ANO2: variants seen among roughly 807,000 people sequenced by gnomAD.
The protein encoded by ANO2 is anoctamin 2.
Under a neutral mutation model 124.2 loss-of-function variants are expected in ANO2, and 101 were observed. That is an observed-to-expected ratio of 0.81 (90% CI 0.69 to 0.96). ANO2 has a LOEUF of 0.96. ANO2 is among the 40% of genes least tolerant of loss of function. ANO2 has a pLI of 0.00. For synonymous variants in ANO2, 486 were observed against 482.5 expected, an observed-to-expected ratio of 1.01 and a Z score of -0.09; for missense variants, 1,293 against 1,274.5, an observed-to-expected ratio of 1.01 and a Z score of -0.22.
At chr12:5,793,144 T>C (rs1304745520) in intron 10 of ANO2, among the ~76,000 whole-genome samples, 2 of 152,192 alleles carry the variant, frequency 1.3e-5, no homozygotes, top group Non-Finnish European at 2.9e-5. Context: ...CAACAGGGTA[T>C]ACTTGTTCTG....
At chr12:5,729,506 C>G (rs528463244) in intron 14 of ANO2, among the ~76,000 whole-genome samples, 2 of 152,044 alleles carry the variant, frequency 1.3e-5, no homozygotes, top group Non-Finnish European at 2.9e-5. Flanking sequence ...AAAACAGATA[C>G]TAAGTGTTGG....
chr12:5,668,159 C>T (rs1947826517), intron 14 of ANO2, among the ~76,000 whole-genome samples: 1 of 152,204 alleles, frequency 6.6e-6, no homozygotes, highest in African/African-American at 2.4e-5. Flanking sequence ...AACTAATTGA[C>T]ATTCCCACCA....
intron 19 of ANO2, among the ~76,000 whole-genome samples, chr12:5,603,944 CAAAAAAAAAAAA>C (rs63415160): frequency 1.3e-5 from 1 of 74,142 alleles, no homozygotes. Flanking sequence ...GATTCCGTCT[CAAAAAAAAAAAA>C]AAAAAAAAAG....
intron 20 of ANO2, among the ~76,000 whole-genome samples, chr12:5,583,433 C>T (rs1478082514): frequency 5.9e-5 from 9 of 151,888 alleles, no homozygotes; most frequent in Admixed American, 2.0e-4. Context: ...GCGGGCGGAT[C>T]ACAAGGTCAG....
chr12:5,687,329 T>C (rs1456141522), intron 14 of ANO2, among the ~76,000 whole-genome samples: 1 of 152,236 alleles, frequency 6.6e-6, no homozygotes, highest in Non-Finnish European at 1.5e-5. Context: ...TAAATACGAA[T>C]GAACGCCCTG....
chr12:5,621,891 A>G (rs1410259707), intron 16 of ANO2, among the ~76,000 whole-genome samples: 3 of 152,128 alleles, frequency 2.0e-5, no homozygotes, highest in Admixed American at 6.5e-5. Flanking sequence ...AAAGGGAAGG[A>G]AGAAAGGGAG....
intron 3 of ANO2, among the ~76,000 whole-genome samples, chr12:5,916,410 T>C (rs1172226968): frequency 1.4e-5 from 2 of 147,890 alleles, no homozygotes; most frequent in Non-Finnish European, 3.0e-5. Flanking sequence ...AAATTAAGAA[T>C]GCATACAGTT....
At chr12:5,869,171 G>A (rs953465574) in intron 3 of ANO2, among the ~76,000 whole-genome samples, 12 of 152,174 alleles carry the variant, frequency 7.9e-5, no homozygotes, top group Admixed American at 2.0e-4. Flanking sequence ...AGGGCCATTC[G>A]CACTCTCCAA....
At chr12:5,762,666 TAGAA>T (rs1176934752) in intron 10 of ANO2, among the ~76,000 whole-genome samples, 1 of 151,790 alleles carries the variant, frequency 6.6e-6, no homozygotes, top group Non-Finnish European at 1.5e-5. Flanking sequence ...TGGGAAGAGA[TAGAA>T]AGTGAAAGAA....
chr12:5,786,137 C>T (rs549042324), intron 10 of ANO2, among the ~76,000 whole-genome samples: 1 of 152,300 alleles, frequency 6.6e-6, no homozygotes, highest in East Asian at 1.9e-4. Context: ...GGTCCAGACT[C>T]TTTGATTCCA....
At chr12:5,567,477 A>G (rs1941836990) in intron 23 of ANO2, among the ~76,000 whole-genome samples, 1 of 152,156 alleles carries the variant, frequency 6.6e-6, no homozygotes, top group Admixed American at 6.5e-5. Context: ...GGTGCCACAC[A>G]CACATACACA....
At chr12:5,791,613 AG>A (rs1952697041) in intron 10 of ANO2, among the ~76,000 whole-genome samples, 2 of 152,304 alleles carry the variant, frequency 1.3e-5, no homozygotes, top group African/African-American at 4.8e-5. Flanking sequence ...AAAAAATAAA[AG>A]TTTCTAGAGT....
At chr12:5,830,016 C>T (rs1365090425) in intron 6 of ANO2, among the ~76,000 whole-genome samples, 1 of 152,072 alleles carries the variant, frequency 6.6e-6, no homozygotes, top group Non-Finnish European at 1.5e-5. Context: ...CACAGTGGCC[C>T]AACAATCAGA....
chr12:5,918,089 C>A (rs1440727726), intron 3 of ANO2, among the ~76,000 whole-genome samples: 2 of 151,164 alleles, frequency 1.3e-5, no homozygotes, highest in African/African-American at 4.8e-5. Context: ...CACCACAGCT[C>A]CCACATTGGT....
rs538274728 is a variant in ANO2 at position 5,611,938 on chromosome 12, T to C, written c.2087+718A>G. ...TGGGCATCTCTATCATTCCCTAGCT[T>C]TCTGATGCTGGGCTGCCTAAAAGCA... On this transcript the variant is annotated intron_variant, in intron 19 of 24. Coordinates refer to ENST00000682330, the MANE Select transcript of ANO2 (RefSeq NM_001364791.2). Among the ~76,000 whole-genome samples the C allele has an allele frequency of 2.0e-3, 308 of 152,290 alleles. 1 individual carries two copies. The highest frequency in any genetic ancestry group is 5.0e-3 in the Admixed American group (77 of 15,292).
At chr12:5,754,170 AT>A (rs374262103) in intron 10 of ANO2, among the ~76,000 whole-genome samples, 3,708 of 151,732 alleles carry the variant, frequency 0.024, 68 homozygotes, top group South Asian at 0.066. Flanking sequence ...ACTTTTGTCC[AT>A]TTTTTTTCTC....
chr12:5,748,106 G>A (rs1413192584), intron 11 of ANO2, among the ~76,000 whole-genome samples: 7 of 151,628 alleles, frequency 4.6e-5, no homozygotes, highest in African/African-American at 1.2e-4. Flanking sequence ...ATCTGTGTGC[G>A]CGTGCATGAG....
intron 14 of ANO2, among the ~76,000 whole-genome samples, chr12:5,659,182 C>T (rs1947324049): frequency 6.6e-6 from 1 of 152,044 alleles, no homozygotes; most frequent in South Asian, 2.1e-4. Flanking sequence ...GCAGAGGTTC[C>T]CCCACCAACT....
At chr12:5,719,075 T>C (rs1003419213) in intron 14 of ANO2, among the ~76,000 whole-genome samples, 2 of 152,220 alleles carry the variant, frequency 1.3e-5, no homozygotes, top group African/African-American at 4.8e-5. Flanking sequence ...GGATTGCTGA[T>C]TGTCTGACTA....
Sources: gnomAD v4.1 joint callset for allele counts (sites outside exome capture counted in the v4.1 genomes callset) on GRCh38, gnomAD v4.1.1 for gene constraint, MANE v1.5 for transcripts, NCBI Gene and HGNC (gene_info 2026-07-23, HGNC 2026-07-21) for gene names.